Variants in NFATC2 observed in about 807,000 individuals in gnomAD.
NFATC2 encodes the protein nuclear factor of activated T cells 2.
NFATC2 carries 22 observed loss-of-function variants against 87.3 expected under a neutral mutation model. That is an observed-to-expected ratio of 0.25 (90% CI 0.18 to 0.36). The LOEUF is 0.36. NFATC2 is among the 10% of genes least tolerant of loss of function. The pLI is 1.00. For missense variants in NFATC2, 1,149 were observed against 1,259.1 expected, an observed-to-expected ratio of 0.91 and a Z score of 1.32; for synonymous variants, 565 against 542.2, an observed-to-expected ratio of 1.04 and a Z score of -0.58.
intron 3 of NFATC2, among the ~76,000 whole-genome samples, chr20:51,494,617 G>A (rs535812276): frequency 2.6e-5 from 4 of 152,108 alleles, no homozygotes; most frequent in Non-Finnish European, 5.9e-5. Context: ...CGCCTTGAGG[G>A]ACTGGCACTT....
chr20:51,411,684 C>A (rs938427342), intron 9 of NFATC2, among the ~76,000 whole-genome samples: 8 of 151,990 alleles, frequency 5.3e-5, no homozygotes, highest in Non-Finnish European at 8.8e-5. Context: ...TGTGCCACCA[C>A]GCACAGCTAG....
At chr20:51,397,751 C>T (rs559829247) in intron 10 of NFATC2, among the ~76,000 whole-genome samples, 1 of 152,270 alleles carries the variant, frequency 6.6e-6, no homozygotes, top group Non-Finnish European at 1.5e-5. Context: ...AGGCCCCATC[C>T]TCTGGCAATC....
At chr20:51,398,970 G>T in intron 9 of NFATC2, 1 of 447,110 alleles carries the variant, frequency 2.2e-6, no homozygotes, top group Non-Finnish European at 4.0e-6. Context: ...TGTGGGGTGT[G>T]GGATCAGGGG....
chr20:51,510,701 C>T (rs549413429), intron 3 of NFATC2, among the ~76,000 whole-genome samples: 7 of 152,288 alleles, frequency 4.6e-5, no homozygotes, highest in African/African-American at 1.2e-4. Flanking sequence ...AGCGGACTGC[C>T]GCCCTGAACT....
intron 1 of NFATC2, among the ~76,000 whole-genome samples, chr20:51,527,224 A>G (rs545981849): frequency 3.9e-5 from 6 of 152,172 alleles, no homozygotes; most frequent in African/African-American, 1.4e-4. Context: ...AAAAGCATCA[A>G]GCTCCTTCCT....
At chr20:51,400,150 A>G (rs1486170444) in intron 9 of NFATC2, among the ~76,000 whole-genome samples, 1 of 151,140 alleles carries the variant, frequency 6.6e-6, no homozygotes, top group African/African-American at 2.4e-5. Context: ...AACAACCTCC[A>G]CTGCCACCCC....
At chr20:51,519,791 C>T (rs750170348) in intron 2 of NFATC2, among the ~76,000 whole-genome samples, 7 of 149,866 alleles carry the variant, frequency 4.7e-5, no homozygotes, top group Non-Finnish European at 1.0e-4. Flanking sequence ...TGGCAGGTGC[C>T]TGTAATCCCA....
At chr20:51,403,514 G>A (rs557813424) in intron 9 of NFATC2, among the ~76,000 whole-genome samples, 8 of 152,272 alleles carry the variant, frequency 5.3e-5, no homozygotes, top group African/African-American at 1.9e-4. Context: ...TACACACTAA[G>A]TTATGCCCCC....
intron 5 of NFATC2, among the ~76,000 whole-genome samples, chr20:51,464,083 G>A (rs1462584942): frequency 6.6e-6 from 1 of 152,218 alleles, no homozygotes; most frequent in African/African-American, 2.4e-5. Context: ...GTTGCAGGCT[G>A]TCTGCTCGAC....
chr20:51,492,980 G>T (rs905731900), intron 3 of NFATC2, among the ~76,000 whole-genome samples: 29 of 152,238 alleles, frequency 1.9e-4, no homozygotes, highest in Non-Finnish European at 3.2e-4. Context: ...GCTCCAGGAG[G>T]ATGCGATCGT....
At chr20:51,549,424 C>G (rs1212568236) in intron 1 of NFATC2, among the ~76,000 whole-genome samples, 3 of 152,216 alleles carry the variant, frequency 2.0e-5, no homozygotes, top group African/African-American at 7.2e-5. Context: ...AGGCATGTGC[C>G]ACCACACCCA....
intron 1 of NFATC2, among the ~76,000 whole-genome samples, chr20:51,540,148 G>A (rs2076783141): frequency 6.6e-6 from 1 of 152,146 alleles, no homozygotes; most frequent in Non-Finnish European, 1.5e-5. Context: ...TGAGTTTCTG[G>A]AATTACAGTG....
intron 6 of NFATC2, among the ~76,000 whole-genome samples, chr20:51,438,443 GAAAA>G (rs11474098): frequency 7.2e-6 from 1 of 139,006 alleles, no homozygotes; most frequent in African/African-American, 2.7e-5. Context: ...AGCTTGCTTT[GAAAA>G]AAAAAAAAAA....
At chr20:51,561,439 G>GGAAGAAAGAA (rs1469555601) in intron 1 of NFATC2, among the ~76,000 whole-genome samples, 29 of 82,946 alleles carry the variant, frequency 3.5e-4, no homozygotes, top group African/African-American at 1.3e-3. Context: ...AGAAAAGAAA[G>GGAAGAAAGAA]AAAGAAAGAA....
intron 6 of NFATC2, among the ~76,000 whole-genome samples, chr20:51,448,854 C>G (rs983298822): frequency 1.3e-5 from 2 of 152,038 alleles, no homozygotes; most frequent in Admixed American, 6.6e-5. Context: ...CAAAAATAAT[C>G]AAAAATAGTA....
chr20:51,435,973 G>A (rs1337550979), intron 6 of NFATC2, among the ~76,000 whole-genome samples: 1 of 152,076 alleles, frequency 6.6e-6, no homozygotes, highest in African/African-American at 2.4e-5. Flanking sequence ...AGAAAACAAG[G>A]CAACATTGTC....
intron 5 of NFATC2, among the ~76,000 whole-genome samples, chr20:51,470,209 A>C (rs576189801): frequency 6.6e-6 from 1 of 152,154 alleles, no homozygotes; most frequent in Admixed American, 6.5e-5. Flanking sequence ...GGTTATCTAC[A>C]TGGAGTGGGA....
chr20:51,410,868 T>C (rs1979121515), intron 9 of NFATC2, among the ~76,000 whole-genome samples: 2 of 152,208 alleles, frequency 1.3e-5, no homozygotes, highest in Admixed American at 1.3e-4. Flanking sequence ...GAAATCTATT[T>C]CTTTCTGGCA....
At chr20:51,557,455 G>C (rs74625306) in intron 1 of NFATC2, among the ~76,000 whole-genome samples, 1 of 152,156 alleles carries the variant, frequency 6.6e-6, no homozygotes, top group African/African-American at 2.4e-5. Flanking sequence ...CCTGACACAC[G>C]GTTGACACTC....
Sources: gnomAD v4.1 joint callset for allele counts (sites outside exome capture counted in the v4.1 genomes callset) on GRCh38, gnomAD v4.1.1 for gene constraint, MANE v1.5 for transcripts, NCBI Gene and HGNC (gene_info 2026-07-23, HGNC 2026-07-21) for gene names.